The following PTCHD4 variants were observed in gnomAD, a reference collection of about 807,000 sequenced individuals.
PTCHD4 encodes the protein patched domain containing 4.
A neutral mutation model predicts 58.1 loss-of-function variants in PTCHD4; 33 were observed. That is an observed-to-expected ratio of 0.57 (90% CI 0.43 to 0.76). The LOEUF is 0.76. Ranked by LOEUF, PTCHD4 falls within the 30% of genes least tolerant of loss-of-function variation. The probability of loss-of-function intolerance (pLI) is 0.00; values close to 1 mark genes in which losing one functional copy is unlikely to be tolerated. For synonymous variants in PTCHD4, 478 were observed against 409.6 expected (o/e 1.17, Z -2.02); for missense variants, 1,058 against 1,027.1 (o/e 1.03, Z -0.41).
rs150564753 is a variant in PTCHD4 at position 47,929,221 on chromosome 6, T to A, written c.899-49285A>T. 2.1e-3 allele frequency among the ~76,000 whole-genome samples: 325 copies of A among 152,266 alleles called. 2 individuals carry two copies. Among genetic ancestry groups the A allele is most frequent in the African/African-American group, 7.4e-3 (307 of 41,578 alleles). On this transcript the variant is annotated intron_variant, in intron 4 of 4. Coordinates refer to ENST00000339488, the MANE Select transcript of PTCHD4 (RefSeq NM_001384253.1). ...AGTAAAATAATCCACATGTAAAAGA[T>A]AATTTACATACCAAAATGAAAACGT...
chr6:47,921,525 G>A (rs1000588261), intron 4 of PTCHD4, among the ~76,000 whole-genome samples: 2 of 152,078 alleles, frequency 1.3e-5, no homozygotes, highest in Non-Finnish European at 2.9e-5. Context: ...GCTACGTGTG[G>A]CCATGTGACT....
At chr6:48,090,833 T>G (rs1204386885) in intron 1 of PTCHD4, among the ~76,000 whole-genome samples, 2 of 152,228 alleles carry the variant, frequency 1.3e-5, no homozygotes, top group African/African-American at 4.8e-5. Context: ...TCATGACAGA[T>G]GTAAAGTCAC....
At chr6:48,099,959 C>G (rs900045980) in intron 1 of PTCHD4, among the ~76,000 whole-genome samples, 1 of 152,168 alleles carries the variant, frequency 6.6e-6, no homozygotes, top group Admixed American at 6.5e-5. Context: ...AAACTGAACA[C>G]CACATGCTGG....
Position 47,872,109 on chromosome 6 carries a change from C to A in PTCHD4, c.*6194G>T, listed in dbSNP as rs9367306. The stretch of plus-strand genomic sequence containing the variant: ...CAGATAAAATGATAGAAGGTGTTTC[C>A]GTGTCCAGGGAGAGATTCTAGTAAC... On this transcript the variant is annotated 3_prime_UTR_variant, in exon 5 of 5. Coordinates refer to ENST00000339488, the MANE Select transcript of PTCHD4 (RefSeq NM_001384253.1). Among the ~76,000 whole-genome samples, 100,689 of 151,044 alleles carry A rather than the reference C, an allele frequency of 0.67. 34,037 individuals are homozygous for A. The highest frequency in any genetic ancestry group is 0.78 in the East Asian group (3,989 of 5,092).
At chr6:47,908,363 T>C (rs1764966323) in intron 4 of PTCHD4, among the ~76,000 whole-genome samples, 3 of 152,158 alleles carry the variant, frequency 2.0e-5, no homozygotes, top group Admixed American at 1.3e-4. Flanking sequence ...TGCCCATGAA[T>C]TGGGATTTTG....
chr6:47,926,354 T>A (rs1765614144), intron 4 of PTCHD4, among the ~76,000 whole-genome samples: 1 of 152,208 alleles, frequency 6.6e-6, no homozygotes, highest in African/African-American at 2.4e-5. Flanking sequence ...GGATACTATT[T>A]TTTATTTCTT....
intron 3 of PTCHD4, among the ~76,000 whole-genome samples, chr6:48,031,637 C>G (rs965823052): frequency 3.9e-5 from 6 of 151,996 alleles, no homozygotes; most frequent in African/African-American, 1.4e-4. Context: ...AAAACACATT[C>G]GGGAAAATTC....
intron 4 of PTCHD4, among the ~76,000 whole-genome samples, chr6:47,940,921 T>C (rs1195979688): frequency 6.6e-6 from 1 of 152,152 alleles, no homozygotes; most frequent in East Asian, 1.9e-4. Context: ...TAGCACCCAT[T>C]CCAATGCTGA....
intron 4 of PTCHD4, among the ~76,000 whole-genome samples, chr6:47,970,879 C>T (rs770509917): frequency 3.9e-5 from 6 of 152,128 alleles, no homozygotes; most frequent in Non-Finnish European, 7.4e-5. Flanking sequence ...AAGTGTGGGG[C>T]CTAGCAATTT....
chr6:47,925,827 G>T (rs780477966), intron 4 of PTCHD4, among the ~76,000 whole-genome samples: 23 of 152,108 alleles, frequency 1.5e-4, no homozygotes, highest in Non-Finnish European at 2.6e-4. Flanking sequence ...TTTCCCACTT[G>T]CTTCCAGTTA....
intron 3 of PTCHD4, among the ~76,000 whole-genome samples, chr6:48,060,338 G>T (rs1764576792): frequency 6.6e-6 from 1 of 152,182 alleles, no homozygotes; most frequent in Non-Finnish European, 1.5e-5. Flanking sequence ...TAAACTTTGA[G>T]GCTGAACCCT....
At position 48,068,872 on chromosome 6, in the gene PTCHD4, G is replaced by T. The variant is rs896784884; in HGVS notation, c.5+81C>A. Among the ~76,000 whole-genome samples the T allele has an allele frequency of 1.3e-5, 2 of 151,780 alleles. No homozygotes were observed. Among genetic ancestry groups the T allele is most frequent in the Admixed American group, 6.6e-5 (1 of 15,262 alleles). ...GCGGGCAAATACCGACAGCGCGCGTGGGGGCGGGCGGCGGGCGCCGCGGGG... is the reference window on the plus strand; with the variant it reads ...GCGGGCAAATACCGACAGCGCGCGTTGGGGCGGGCGGCGGGCGCCGCGGGG... On this transcript the variant is annotated intron_variant, in intron 2 of 4. Transcript: ENST00000339488. The surrounding 1 kb of genome is among the most constrained non-coding windows in gnomAD (Gnocchi z 4.2).
At position 48,046,114 on chromosome 6, in the gene PTCHD4, T is replaced by C. The variant is rs374150810; in HGVS notation, c.417+22116A>G. 7.2e-5 allele frequency among the ~76,000 whole-genome samples: 11 copies of C among 151,968 alleles called. No homozygotes were observed. The East Asian group carries it at 1.9e-3, about 27-fold the overall frequency. On this transcript the variant is annotated intron_variant, in intron 3 of 4. Coordinates refer to ENST00000339488, the MANE Select transcript of PTCHD4 (RefSeq NM_001384253.1). ...CAGGGGACAAATGAATGTAAGTTACTTAGGAGAACAAATCAGAAAATAATC... is the reference window on the plus strand; with the variant it reads ...CAGGGGACAAATGAATGTAAGTTACCTAGGAGAACAAATCAGAAAATAATC...
chr6:48,011,792 G>C (rs1762684593), intron 3 of PTCHD4, among the ~76,000 whole-genome samples: 1 of 152,088 alleles, frequency 6.6e-6, no homozygotes, highest in African/African-American at 2.4e-5. Flanking sequence ...TCTGCATATG[G>C]CTAGCCAGTT....
chr6:48,043,521 A>G (rs891727655), intron 3 of PTCHD4, among the ~76,000 whole-genome samples: 2 of 151,868 alleles, frequency 1.3e-5, no homozygotes, highest in Non-Finnish European at 2.9e-5. Context: ...TACCTTAAGT[A>G]CATTTGCCCT....
intron 3 of PTCHD4, among the ~76,000 whole-genome samples, chr6:48,013,129 G>A (rs531622247): frequency 1.7e-4 from 26 of 152,142 alleles, no homozygotes; most frequent in Admixed American, 5.2e-4. Context: ...CTATTGTTTG[G>A]AGTAGTTTCA....
intron 3 of PTCHD4, among the ~76,000 whole-genome samples, chr6:48,050,887 T>C (rs1764209409): frequency 6.6e-6 from 1 of 152,046 alleles, no homozygotes; most frequent in Non-Finnish European, 1.5e-5. Flanking sequence ...GATAACAATA[T>C]CTAGATTTTC....
chr6:47,886,119 A>ATT (rs34214628), intron 4 of PTCHD4, among the ~76,000 whole-genome samples: 2,820 of 145,898 alleles, frequency 0.019, 78 homozygotes, highest in African/African-American at 0.054. Flanking sequence ...CGATGGCAAG[A>ATT]TTTTTTTTTT....
At chr6:47,989,894 A>C (rs1386344366) in intron 4 of PTCHD4, among the ~76,000 whole-genome samples, 1 of 152,144 alleles carries the variant, frequency 6.6e-6, no homozygotes, top group Non-Finnish European at 1.5e-5. Flanking sequence ...AGAACCGTAG[A>C]TCCACCAATA....
Sources: allele counts gnomAD v4.1 joint callset (sites outside exome capture counted in the v4.1 genomes callset), GRCh38; gene constraint gnomAD v4.1.1; non-coding constraint Gnocchi (gnomAD v3.1); transcripts MANE v1.5; gene names NCBI Gene and HGNC (gene_info 2026-07-23, HGNC 2026-07-21).